The following PLCG2 variants were observed in gnomAD, a reference collection of about 807,000 sequenced individuals.
The protein encoded by PLCG2 is phospholipase C gamma 2, also known as 1-phosphatidylinositol 4,5-bisphosphate phosphodiesterase gamma-2.
In PLCG2, 69 loss-of-function variants were observed where a neutral mutation model predicts 175.6. The ratio of observed to expected loss-of-function variants is 0.39; its 90% CI spans 0.32 to 0.48. PLCG2 has a LOEUF of 0.48. Ranked by LOEUF, PLCG2 falls within the 20% of genes least tolerant of loss-of-function variation. The probability of loss-of-function intolerance (pLI) is 0.91; values close to 1 mark genes in which losing one functional copy is unlikely to be tolerated. For synonymous variants in PLCG2, 827 were observed against 624.0 expected (o/e 1.33, Z -4.85); for missense variants, 1,798 against 1,650.9 (o/e 1.09, Z -1.54).
intron 2 of PLCG2, among the ~76,000 whole-genome samples, chr16:81,829,443 C>G (rs574065037): frequency 6.6e-6 from 1 of 152,330 alleles, no homozygotes; most frequent in East Asian, 1.9e-4. Flanking sequence ...GTCTCGAACT[C>G]CTAAGCTCAG....
At position 81,919,635 on chromosome 16, in the gene PLCG2, AC is replaced by A. The variant is rs1195957943; in HGVS notation, c.2211del (p.Glu738SerfsTer12). On this transcript the variant is annotated frameshift_variant, in exon 20 of 33. Transcript: ENST00000564138. LOFTEE classifies it high-confidence loss of function. Reference sequence around the variant, plus strand: ...AAAGATGAGACTGCGCTACCCCGTGACCCCCGAGCTCCTGGAGCGCTACAAT... The same window carrying A: ...AAAGATGAGACTGCGCTACCCCGTGACCCCGAGCTCCTGGAGCGCTACAAT... The part of the protein sequence containing the change: ...YRKMRLRYPV[T>X]PELLERYNME... 2 of 1,613,858 alleles carry A rather than the reference AC, an allele frequency of 1.2e-6. No homozygotes were observed. The highest frequency in any genetic ancestry group is 1.1e-5 in the South Asian group (1 of 91,056).
At chr16:81,743,733 C>G (rs953812593) in intron 1 of PLCG2, among the ~76,000 whole-genome samples, 8 of 152,164 alleles carry the variant, frequency 5.3e-5, no homozygotes, top group Non-Finnish European at 7.3e-5. Context: ...GAGGCCCATC[C>G]CAAGGGAGGG....
intron 2 of PLCG2, among the ~76,000 whole-genome samples, chr16:81,839,673 T>A (rs1050254796): frequency 2.6e-5 from 4 of 152,188 alleles, no homozygotes; most frequent in African/African-American, 9.7e-5. Flanking sequence ...ATACTACAGT[T>A]AAGACATAAC....
intron 7 of PLCG2, among the ~76,000 whole-genome samples, chr16:81,878,313 C>T (rs1012773107): frequency 6.6e-6 from 1 of 152,094 alleles, no homozygotes; most frequent in Non-Finnish European, 1.5e-5. Context: ...AAGCCAGGCA[C>T]TGGATTCGGG....
intron 2 of PLCG2, among the ~76,000 whole-genome samples, chr16:81,807,646 T>C (rs911158149): frequency 6.6e-6 from 1 of 152,218 alleles, no homozygotes; most frequent in Non-Finnish European, 1.5e-5. Context: ...GATGAGAACA[T>C]TGAGGCATAG....
In PLCG2 at chr16:81,907,871, G is replaced by A. The variant is rs567126793; in HGVS notation, c.1557+97G>A. The A allele has an allele frequency of 3.0e-4, 234 of 792,062 alleles. 2 individuals are homozygous for A. The highest frequency in any genetic ancestry group is 1.3e-3 in the South Asian group (86 of 66,766). 49.1% of individuals were successfully genotyped at this position (792,062 alleles called of 1,614,324 possible). A position where few individuals can be genotyped will look rare whatever the true frequency, so the allele number is the denominator to read the frequency against. On this transcript the variant is annotated intron_variant, in intron 16 of 32. Coordinates refer to ENST00000564138, the MANE Select transcript of PLCG2 (RefSeq NM_002661.5). ...TCCTTCCCATGTGGCTTCTCTGGCC[G>A]GCTGGCAAGGGGATGCTCCGCTGAA...
chr16:81,939,238 CAG>C (rs1425265584), intron 29 of PLCG2, among the ~76,000 whole-genome samples: 1 of 152,144 alleles, frequency 6.6e-6, no homozygotes, highest in Non-Finnish European at 1.5e-5. Context: ...GGCAGAGACA[CAG>C]AGAGAGGGGG....
At chr16:81,929,139 T>C (rs987572418) in intron 24 of PLCG2, among the ~76,000 whole-genome samples, 1 of 152,196 alleles carries the variant, frequency 6.6e-6, no homozygotes, top group Non-Finnish European at 1.5e-5. Context: ...TGTGAAGGCG[T>C]GGCCCCAAGG....
chr16:81,804,326 G>A (rs1911894639), intron 2 of PLCG2, among the ~76,000 whole-genome samples: 2 of 152,178 alleles, frequency 1.3e-5, no homozygotes, highest in African/African-American at 4.8e-5. Flanking sequence ...AATAGTTGAT[G>A]TAATAATTTC....
At chr16:81,890,539 C>T (rs1452716907) in intron 10 of PLCG2, among the ~76,000 whole-genome samples, 1 of 152,132 alleles carries the variant, frequency 6.6e-6, no homozygotes, top group Admixed American at 6.5e-5. Context: ...ATTGATTTTG[C>T]CACTAGAGGG....
At chr16:81,857,857 G>A in intron 3 of PLCG2, 1 of 173,194 alleles carries the variant, frequency 5.8e-6, no homozygotes, top group Non-Finnish European at 1.3e-5. Context: ...TTCTCCATGT[G>A]TTAAATGGGA....
At chr16:81,838,154 C>T (rs1472273481) in intron 2 of PLCG2, among the ~76,000 whole-genome samples, 1 of 151,528 alleles carries the variant, frequency 6.6e-6, no homozygotes, top group South Asian at 2.1e-4. Flanking sequence ...TCTTGGCTCA[C>T]TGCAACCTCT....
At chr16:81,885,624 C>CTT (rs34271990) in intron 9 of PLCG2, among the ~76,000 whole-genome samples, 75 of 149,940 alleles carry the variant, frequency 5.0e-4, no homozygotes, top group East Asian at 2.3e-3. Context: ...ACAGATAGAA[C>CTT]TTTTTTTTTT....
chr16:81,817,862 C>G (rs1597335500), intron 2 of PLCG2, among the ~76,000 whole-genome samples: 1 of 152,202 alleles, frequency 6.6e-6, no homozygotes, highest in Non-Finnish European at 1.5e-5. Context: ...AAAAATGAGA[C>G]AAGCTCCCTG....
chr16:81,875,996 G>A (rs1170091469), intron 7 of PLCG2, among the ~76,000 whole-genome samples: 1 of 147,578 alleles, frequency 6.8e-6, no homozygotes, highest in African/African-American at 2.5e-5. Context: ...AGAATCTCTG[G>A]TTAGCTTTTC....
chr16:81,957,288 G>C (rs181047597), intron 32 of PLCG2, among the ~76,000 whole-genome samples: 1 of 151,668 alleles, frequency 6.6e-6, no homozygotes, highest in East Asian at 1.9e-4. Flanking sequence ...ACCAGAGGGA[G>C]ACTCTGTCAA....
intron 16 of PLCG2, among the ~76,000 whole-genome samples, chr16:81,908,189 C>T (rs758669969): frequency 3.1e-4 from 47 of 152,220 alleles, no homozygotes; most frequent in Non-Finnish European, 6.6e-4. Flanking sequence ...CACTGCATGT[C>T]TCAGGATGCC....
At chr16:81,849,483 G>A (rs1027896588) in intron 2 of PLCG2, among the ~76,000 whole-genome samples, 1 of 152,214 alleles carries the variant, frequency 6.6e-6, no homozygotes, top group Non-Finnish European at 1.5e-5. Context: ...TCTTGGCTGG[G>A]CGTGGTAGCT....
chr16:81,801,268 T>G (rs1911705279), intron 2 of PLCG2, among the ~76,000 whole-genome samples: 2 of 152,174 alleles, frequency 1.3e-5, no homozygotes, highest in South Asian at 4.1e-4. Context: ...TAAGTTCTCA[T>G]AAGTACCCTT....
Sources: allele counts gnomAD v4.1 joint callset (sites outside exome capture counted in the v4.1 genomes callset), GRCh38; gene constraint gnomAD v4.1.1; transcripts MANE v1.5; gene names NCBI Gene and HGNC (gene_info 2026-07-23, HGNC 2026-07-21).